Variants in SORCS1 observed in about 807,000 individuals in gnomAD.
SORCS1 encodes VPS10 domain-containing receptor SorCS1.
SORCS1 carries 60 observed loss-of-function variants against 146.1 expected under a neutral mutation model. The ratio of observed to expected loss-of-function variants is 0.41; its 90% CI spans 0.33 to 0.51. The LOEUF (loss-of-function observed/expected upper bound fraction) is 0.51. Among genes scored for constraint, SORCS1 ranks in the 20% least tolerant of loss-of-function variants. The pLI is 0.21. For missense variants in SORCS1, 1,352 were observed against 1,487.6 expected (o/e 0.91, Z 1.50); for synonymous variants, 637 against 584.0 (o/e 1.09, Z -1.31).
At chr10:106,643,025 G>C (rs929284840) in intron 18 of SORCS1, among the ~76,000 whole-genome samples, 1 of 152,126 alleles carries the variant, frequency 6.6e-6, no homozygotes, top group African/African-American at 2.4e-5. Flanking sequence ...TTCTACAGAG[G>C]CTTAGGAGCT....
At chr10:106,815,242 C>G (rs1344481957) in intron 3 of SORCS1, among the ~76,000 whole-genome samples, 2 of 152,042 alleles carry the variant, frequency 1.3e-5, no homozygotes, top group African/African-American at 4.8e-5. Context: ...CAGGCATGAG[C>G]CACCTAACCC....
At chr10:106,686,685 T>C (rs1167803617) in intron 10 of SORCS1, among the ~76,000 whole-genome samples, 5 of 152,132 alleles carry the variant, frequency 3.3e-5, no homozygotes, top group African/African-American at 1.2e-4. Flanking sequence ...AAGTTGCCAG[T>C]AATAAGGATA....
intron 23 of SORCS1, among the ~76,000 whole-genome samples, chr10:106,602,463 A>G (rs2133351123): frequency 6.6e-6 from 1 of 151,742 alleles, no homozygotes. Context: ...GAAGCAATGG[A>G]GCCAAATACT....
chr10:107,117,573 G>C (rs1966121888), intron 1 of SORCS1, among the ~76,000 whole-genome samples: 1 of 152,304 alleles, frequency 6.6e-6, no homozygotes, highest in African/African-American at 2.4e-5. Context: ...AGTGGGCCTA[G>C]AAGGTGAAAT....
intron 1 of SORCS1, among the ~76,000 whole-genome samples, chr10:107,127,626 C>G (rs1451140480): frequency 6.6e-6 from 1 of 152,184 alleles, no homozygotes; most frequent in Non-Finnish European, 1.5e-5. Flanking sequence ...GTGAACATCT[C>G]ACGCCTTTTC....
chr10:107,011,327 G>T (rs1411096001), intron 1 of SORCS1, among the ~76,000 whole-genome samples: 1 of 152,192 alleles, frequency 6.6e-6, no homozygotes, highest in Non-Finnish European at 1.5e-5. Flanking sequence ...GGGAATAATT[G>T]AAAGTCTGCA....
At chr10:106,784,275 G>C (rs1016852181) in intron 3 of SORCS1, among the ~76,000 whole-genome samples, 1 of 151,870 alleles carries the variant, frequency 6.6e-6, no homozygotes, top group Non-Finnish European at 1.5e-5. Context: ...GGTGCCTGTA[G>C]TCTCAGCTAC....
intron 18 of SORCS1, among the ~76,000 whole-genome samples, chr10:106,629,945 T>C (rs1251631183): frequency 6.6e-6 from 1 of 152,168 alleles, no homozygotes; most frequent in Non-Finnish European, 1.5e-5. Flanking sequence ...TCGGGGGGGC[T>C]GAGGCGGGAG....
At chr10:106,721,391 GTA>G (rs1855769180) in intron 6 of SORCS1, among the ~76,000 whole-genome samples, 2 of 152,116 alleles carry the variant, frequency 1.3e-5, no homozygotes, top group African/African-American at 4.8e-5. Context: ...TTAAATGTGT[GTA>G]TCAATGCCAA....
rs114111213 is a variant in SORCS1 at position 106,825,007 on chromosome 10, T to A, written c.726+4567A>T. Among the ~76,000 whole-genome samples, 365 of 152,302 alleles carry A rather than the reference T, an allele frequency of 2.4e-3. 1 individual carries two copies. The highest frequency in any genetic ancestry group is 7.4e-3 in the African/African-American group (307 of 41,574). ...GCTGAGACCACAAGGATAAAACAAC[T>A]AAAAGAATTGGCTTTTCCAAGTAAA... On this transcript the variant is annotated intron_variant, in intron 3 of 25. Coordinates refer to ENST00000263054, the MANE Select transcript of SORCS1 (RefSeq NM_052918.5).
chr10:106,822,050 G>A (rs1948061117), intron 3 of SORCS1, among the ~76,000 whole-genome samples: 1 of 152,068 alleles, frequency 6.6e-6, no homozygotes, highest in African/African-American at 2.4e-5. Context: ...AGTAAGTTTT[G>A]GAATGTATGC....
At chr10:106,596,431 G>A (rs1845908447) in intron 24 of SORCS1, among the ~76,000 whole-genome samples, 1 of 152,190 alleles carries the variant, frequency 6.6e-6, no homozygotes, top group Non-Finnish European at 1.5e-5. Context: ...CTAAGTGCTT[G>A]TATTATCATT....
intron 17 of SORCS1, among the ~76,000 whole-genome samples, chr10:106,665,040 A>C (rs1478656086): frequency 2.0e-5 from 3 of 152,104 alleles, no homozygotes; most frequent in Non-Finnish European, 4.4e-5. Context: ...ATTTCCTTGG[A>C]TGTCGTGTTA....
In SORCS1 at chr10:106,620,498, G is replaced by C. The variant is rs144056795; in HGVS notation, c.2726C>G (p.Ala909Gly). The C allele has an allele frequency of 2.7e-5, 43 of 1,613,956 alleles. No homozygotes were observed. Among genetic ancestry groups the C allele is most frequent in the Non-Finnish European group, 3.6e-5 (43 of 1,179,960 alleles). ...FVTTKNKEVN[A>G]TAVLWPSQVG... ...TTGGCTGGGCCACAGCACTGCCGTCGCATTGACCTCTTTGTTCTTTGTGGT... is the reference window on the plus strand; with the variant it reads ...TTGGCTGGGCCACAGCACTGCCGTCCCATTGACCTCTTTGTTCTTTGTGGT... The change falls in exon 20 of 26, where the codon GCG becomes GGG. Residue 909 changes from alanine to glycine, a missense_variant. By Grantham distance (60) the Ala-to-Gly change is moderately conservative. Coordinates refer to ENST00000263054, the MANE Select transcript of SORCS1 (RefSeq NM_052918.5).
chr10:106,618,089 C>A lies in SORCS1; in HGVS notation c.2920+60G>T. 4 of 1,602,580 alleles carry A rather than the reference C, an allele frequency of 2.5e-6. No homozygotes were observed. In the South Asian group the frequency reaches 4.5e-5, roughly 18 times the overall value. Reference sequence around the variant, plus strand: ...TGGGGGATGGTCTCTGGCATCATGGCACAAGAGAACCTCCTCTGAGCATGA... The same window carrying A: ...TGGGGGATGGTCTCTGGCATCATGGAACAAGAGAACCTCCTCTGAGCATGA... On this transcript the variant is annotated intron_variant, in intron 21 of 25. Transcript: ENST00000263054.
intron 5 of SORCS1, among the ~76,000 whole-genome samples, chr10:106,742,789 C>G (rs892775780): frequency 6.6e-6 from 1 of 152,158 alleles, no homozygotes; most frequent in African/African-American, 2.4e-5. Context: ...CTTGTGACAT[C>G]ATGTTGTCAC....
intron 3 of SORCS1, among the ~76,000 whole-genome samples, chr10:106,777,244 A>C (rs1232301967): frequency 6.6e-6 from 1 of 152,184 alleles, no homozygotes; most frequent in East Asian, 1.9e-4. Context: ...AATTTCACAA[A>C]GGCTATTTTA....
intron 3 of SORCS1, among the ~76,000 whole-genome samples, chr10:106,820,999 G>C (rs1307895877): frequency 1.3e-5 from 2 of 152,166 alleles, no homozygotes. Context: ...AAGGACAGAT[G>C]ATGAGACAAA....
At chr10:107,136,374 T>G (rs1390413529) in intron 1 of SORCS1, among the ~76,000 whole-genome samples, 1 of 152,174 alleles carries the variant, frequency 6.6e-6, no homozygotes, top group Non-Finnish European at 1.5e-5. Context: ...TTTACTTTCC[T>G]GAGCCAAGTT....
Sources: allele counts gnomAD v4.1 joint callset (sites outside exome capture counted in the v4.1 genomes callset), GRCh38; gene constraint gnomAD v4.1.1; transcripts MANE v1.5; gene names NCBI Gene and HGNC (gene_info 2026-07-23, HGNC 2026-07-21).